SCRN1: variants seen among roughly 807,000 people sequenced by gnomAD.
SCRN1 encodes the protein secernin-1.
A neutral mutation model predicts 43.3 loss-of-function variants in SCRN1; 19 were observed. The observed-to-expected ratio is 0.44, with a 90% CI of 0.31 to 0.64. The LOEUF is 0.64. SCRN1 is among the 30% of genes least tolerant of loss of function. The pLI is 0.09. For missense variants in SCRN1, 447 were observed against 524.1 expected (o/e 0.85, Z 1.44); for synonymous variants, 183 against 188.9 (o/e 0.97, Z 0.26).
intron 4 of SCRN1, among the ~76,000 whole-genome samples, chr7:29,941,485 A>T (rs1435455664): frequency 6.6e-6 from 1 of 152,126 alleles, no homozygotes; most frequent in Non-Finnish European, 1.5e-5. Flanking sequence ...ATGACAACAA[A>T]TTGTTTTAAA....
chr7:29,945,249 C>T (rs1047679414), intron 3 of SCRN1, among the ~76,000 whole-genome samples: 1 of 152,120 alleles, frequency 6.6e-6, no homozygotes, highest in African/African-American at 2.4e-5. Flanking sequence ...TGGCTGTGTC[C>T]CCACCCAAAT....
At chr7:29,971,252 C>A (rs1562820714) in intron 1 of SCRN1, among the ~76,000 whole-genome samples, 2 of 152,154 alleles carry the variant, frequency 1.3e-5, no homozygotes, top group Admixed American at 6.5e-5. Context: ...AATGTTTTGC[C>A]ACAGCCCACA....
At chr7:29,945,967 A>T (rs1281162626) in intron 3 of SCRN1, among the ~76,000 whole-genome samples, 1 of 152,202 alleles carries the variant, frequency 6.6e-6, no homozygotes, top group Non-Finnish European at 1.5e-5. Context: ...ATTCAAATTT[A>T]TCTAATTTGA....
intron 6 of SCRN1, among the ~76,000 whole-genome samples, chr7:29,928,374 T>G (rs981857536): frequency 6.6e-6 from 1 of 152,194 alleles, no homozygotes; most frequent in Non-Finnish European, 1.5e-5. Context: ...AAGTACTCTC[T>G]TAGGTTAGCT....
chr7:29,960,268 C>G (rs1253514627), intron 2 of SCRN1, among the ~76,000 whole-genome samples: 1 of 152,028 alleles, frequency 6.6e-6, no homozygotes, highest in Non-Finnish European at 1.5e-5. Flanking sequence ...TAAATATTTT[C>G]AATGATAAAG....
chr7:29,930,710 G>A (rs916358423), intron 6 of SCRN1, among the ~76,000 whole-genome samples: 1 of 145,238 alleles, frequency 6.9e-6, no homozygotes, highest in Non-Finnish European at 1.5e-5. Flanking sequence ...CCAACCTTCA[G>A]AAAAGTCACC....
chr7:29,959,270 TCAGCCAAACTTCTTACGGTGGGAGA>T (rs1366643817), intron 2 of SCRN1, among the ~76,000 whole-genome samples: 2 of 152,214 alleles, frequency 1.3e-5, no homozygotes, highest in African/African-American at 4.8e-5. Flanking sequence ...AGTTGATGAG[TCAGCCAAACTTCTTACGGTGGGAGA>T]AGATGGCAAA....
intron 1 of SCRN1, among the ~76,000 whole-genome samples, chr7:29,986,099 G>A (rs1425043555): frequency 6.6e-6 from 1 of 152,190 alleles, no homozygotes; most frequent in Admixed American, 6.5e-5. Context: ...GCCGGGCTGT[G>A]GTGGCGCACG....
chr7:29,981,944 G>A (rs1200740987), intron 1 of SCRN1, among the ~76,000 whole-genome samples: 1 of 152,174 alleles, frequency 6.6e-6, no homozygotes, highest in African/African-American at 2.4e-5. Context: ...GTAGAAAGGA[G>A]GCAAAGAATA....
At chr7:29,957,079 C>T (rs1788161293) in intron 2 of SCRN1, among the ~76,000 whole-genome samples, 5 of 152,234 alleles carry the variant, frequency 3.3e-5, no homozygotes, top group Admixed American at 3.3e-4. Context: ...TTCTTAAGCA[C>T]AGATTTATCA....
At chr7:29,957,502 G>A (rs1562814606) in intron 2 of SCRN1, among the ~76,000 whole-genome samples, 1 of 152,202 alleles carries the variant, frequency 6.6e-6, no homozygotes, top group Non-Finnish European at 1.5e-5. Context: ...TACTGTTTAT[G>A]TATACTATCT....
chr7:29,953,036 T>C (rs367580288), intron 3 of SCRN1, among the ~76,000 whole-genome samples: 7 of 152,362 alleles, frequency 4.6e-5, no homozygotes, highest in African/African-American at 1.7e-4. Flanking sequence ...ATATCTTCTG[T>C]GTCTACCTCC....
chr7:29,983,556 C>T (rs1454886922), intron 1 of SCRN1, among the ~76,000 whole-genome samples: 1 of 152,064 alleles, frequency 6.6e-6, no homozygotes, highest in Non-Finnish European at 1.5e-5. Flanking sequence ...AAAAGTCAGC[C>T]CTCCCTAAAT....
intron 1 of SCRN1, among the ~76,000 whole-genome samples, chr7:29,979,060 ATT>A (rs1788918810): frequency 6.6e-6 from 1 of 152,170 alleles, no homozygotes; most frequent in South Asian, 2.1e-4. Context: ...ATGTTTCCCA[ATT>A]TTTTTATGTC....
chr7:29,928,581 T>G (rs1182259843), intron 6 of SCRN1, among the ~76,000 whole-genome samples: 1 of 152,080 alleles, frequency 6.6e-6, no homozygotes, highest in Non-Finnish European at 1.5e-5. Flanking sequence ...ATGACGCAAA[T>G]ATAATTGGAG....
Position 29,985,141 on chromosome 7 carries a change from T to A in SCRN1, c.-2+4501A>T, listed in dbSNP as rs974424495. ...AGGAGACTGGGCTGGGCGCGGTGGC[T>A]CACACCTGTAATCCCAGCACTTGGG... On this transcript the variant is annotated intron_variant, in intron 1 of 7. Coordinates refer to ENST00000242059, the MANE Select transcript of SCRN1 (RefSeq NM_014766.5). Among the ~76,000 whole-genome samples, 12 of 143,534 alleles carry A rather than the reference T, an allele frequency of 8.4e-5. 1 individual carries two copies. The highest frequency in any genetic ancestry group is 1.4e-4 in the Non-Finnish European group (9 of 65,610). 94.2% of individuals were successfully genotyped at this position (143,534 alleles called of 152,430 possible).
rs948953613 is a variant in SCRN1, at chr7:29,965,967, T to G, written c.159+2942A>C. On this transcript the variant is annotated intron_variant, in intron 2 of 7. Transcript: ENST00000242059. The surrounding 1 kb of genome is among the most constrained non-coding windows in gnomAD (Gnocchi z 4.2). Reference sequence around the variant, plus strand: ...AAGTTAGTATGGCTACTTAACAAATTACCCCAAAATTTAGTGGTGTAAAAC... The same window carrying G: ...AAGTTAGTATGGCTACTTAACAAATGACCCCAAAATTTAGTGGTGTAAAAC... 6.6e-6 allele frequency among the ~76,000 whole-genome samples: 1 copy of G among 152,136 alleles called. No individual in the cohort carries two copies. Among genetic ancestry groups the G allele is most frequent in the Non-Finnish European group, 1.5e-5 (1 of 68,034 alleles).
intron 1 of SCRN1, among the ~76,000 whole-genome samples, chr7:29,978,139 C>G (rs893902218): frequency 6.6e-6 from 1 of 152,208 alleles, no homozygotes; most frequent in African/African-American, 2.4e-5. Flanking sequence ...TGCCAGTCTG[C>G]AGCTGACATA....
chr7:29,988,046 TA>T (rs539420067), intron 1 of SCRN1, among the ~76,000 whole-genome samples: 59 of 148,264 alleles, frequency 4.0e-4, no homozygotes, highest in Middle Eastern at 6.9e-3. Flanking sequence ...AAAGGCTGTT[TA>T]AAAAAAAAAA....
Sources: gnomAD v4.1 joint callset for allele counts (sites outside exome capture counted in the v4.1 genomes callset) on GRCh38, gnomAD v4.1.1 for gene constraint, Gnocchi (gnomAD v3.1) non-coding constraint, MANE v1.5 for transcripts, NCBI Gene and HGNC (gene_info 2026-07-23, HGNC 2026-07-21) for gene names.